UHRF1: variants seen among roughly 807,000 people sequenced by gnomAD.
UHRF1 encodes E3 ubiquitin-protein ligase UHRF1.
In UHRF1, 9 loss-of-function variants were observed where a neutral mutation model predicts 96.5. The ratio of observed to expected loss-of-function variants is 0.09; its 90% CI spans 0.06 to 0.16. UHRF1 has a LOEUF of 0.16. Among genes scored for constraint, UHRF1 ranks in the 10% least tolerant of loss-of-function variants. The pLI, the probability that UHRF1 is intolerant of heterozygous loss-of-function variation, is 1.00. For synonymous variants in UHRF1, 455 were observed against 469.9 expected, an observed-to-expected ratio of 0.97 and a Z score of 0.41; for missense variants, 626 against 1,131.1, an observed-to-expected ratio of 0.55 and a Z score of 6.40.
chr19:4,911,966 T>G (rs1379065087), intron 2 of UHRF1, among the ~76,000 whole-genome samples: 1 of 152,176 alleles, frequency 6.6e-6, no homozygotes, highest in East Asian at 1.9e-4. Flanking sequence ...TGCTGCCATC[T>G]GGTGTCTAGG....
chr19:4,941,890 C>T lies in UHRF1; in HGVS notation c.1032C>T (p.Cys344=). 6.5e-7 allele frequency: 1 copy of T among 1,539,094 alleles called. No homozygotes were observed. The highest frequency in any genetic ancestry group is 1.2e-5 in the South Asian group (1 of 80,692). Residue 344 remains cysteine, a synonymous_variant, in exon 7 of 17, where the codon TGC becomes TGT. Transcript: ENST00000650932. ...DECDMAFHIY[C]LDPPLSSVPS... is the part of the protein sequence containing the mutation. Reference sequence around the variant, plus strand: ...GCGACATGGCCTTCCACATCTACTGCCTGGACCCGCCCCTCAGCAGTGTTC... The same window carrying T: ...GCGACATGGCCTTCCACATCTACTGTCTGGACCCGCCCCTCAGCAGTGTTC...
Position 4,910,902 on chromosome 19 carries a change from G to A in UHRF1, c.17G>A (p.Arg6Gln), listed in dbSNP as rs1283666335. 3 of 1,612,200 alleles carry A rather than the reference G, an allele frequency of 1.9e-6. No individual in the cohort carries two copies. Among genetic ancestry groups the A allele is most frequent in the Non-Finnish European group, 2.5e-6 (3 of 1,178,882 alleles). Residue 6 changes from arginine to glutamine, a missense_variant, in exon 2 of 17, where the codon CGG becomes CAG. Around this residue, in one of 11 missense-constraint regions of UHRF1, gnomAD observed 32 missense variants for 46.8 expected, o/e 0.68. Transcript: ENST00000650932. Reference protein sequence around the residue: MWIQVRTMDGRQTHTV... With the variant: MWIQVQTMDGRQTHTV... ...GCCGACACCATGTGGATCCAGGTTC[G>A]GACCATGGACGGGAGGCAGACCCAC...
chr19:4,916,900 C>T (rs1381547492), intron 2 of UHRF1, among the ~76,000 whole-genome samples: 1 of 152,164 alleles, frequency 6.6e-6, no homozygotes, highest in Non-Finnish European at 1.5e-5. Flanking sequence ...TCGAGGCTTA[C>T]ACGGTCTTTG....
In UHRF1 at chr19:4,910,938, C is replaced by T. The variant is rs781386518; in HGVS notation, c.53C>T (p.Ser18Leu). The T allele has an allele frequency of 1.2e-6, 2 of 1,613,668 alleles. No individual in the cohort carries two copies. The highest frequency in any genetic ancestry group is 1.7e-6 in the Non-Finnish European group (2 of 1,179,668). Residue 18 changes from serine to leucine, a missense_variant, in exon 2 of 17, where the codon TCG (serine) becomes TTG (leucine). Physicochemically the swap from Ser to Leu is moderately radical, Grantham distance 145. Transcript: ENST00000650932. ...GGGAGGCAGACCCACACGGTGGACTCGCTGTCCAGGCTGACCAAGGTGGAG... is the reference window on the plus strand; with the variant it reads ...GGGAGGCAGACCCACACGGTGGACTTGCTGTCCAGGCTGACCAAGGTGGAG... ...MDGRQTHTVD[S>L]LSRLTKVEEL...
chr19:4,939,843 T>A (rs190456340), intron 5 of UHRF1, among the ~76,000 whole-genome samples: 1 of 152,120 alleles, frequency 6.6e-6, no homozygotes, highest in Non-Finnish European at 1.5e-5. Flanking sequence ...GCAAACACGG[T>A]GAAACCCCGT....
chr19:4,941,382 T>C (rs1248293816), intron 5 of UHRF1, 146 bp from the exon 6 acceptor site: 1 of 636,124 alleles, frequency 1.6e-6, no homozygotes, highest in South Asian at 1.9e-5. Flanking sequence ...CGTTTCATGT[T>C]GCTTCTGTGA....
In UHRF1 at chr19:4,941,739, G is replaced by C. The variant is rs1334174766; in HGVS notation, c.887-6G>C. The C allele has an allele frequency of 7.8e-6, 12 of 1,546,092 alleles. No individual in the cohort carries two copies. The highest frequency in any genetic ancestry group is 1.0e-5 in the Non-Finnish European group (12 of 1,144,878). ...GCCGGAGCTGACCCTGCCGCCCCGTGCCCAGGGAAGAGCGGGCCGTCCTGC... is the reference window on the plus strand; with the variant it reads ...GCCGGAGCTGACCCTGCCGCCCCGTCCCCAGGGAAGAGCGGGCCGTCCTGC... On this transcript the variant is annotated splice_polypyrimidine_tract_variant and splice_region_variant and intron_variant, in intron 6 of 16. Coordinates refer to ENST00000650932, the MANE Select transcript of UHRF1 (RefSeq NM_001048201.3).
At chr19:4,942,891 T>C (rs2145178115) in intron 7 of UHRF1, among the ~76,000 whole-genome samples, 1 of 152,136 alleles carries the variant, frequency 6.6e-6, no homozygotes, top group East Asian at 1.9e-4. Flanking sequence ...TGAACTGTGA[T>C]CGCGCCACTG....
chr19:4,945,321 C>T (rs1164491856), intron 9 of UHRF1, among the ~76,000 whole-genome samples: 3 of 152,178 alleles, frequency 2.0e-5, no homozygotes, highest in Non-Finnish European at 1.5e-5. Context: ...TGCAGTGGTG[C>T]GGTCTTGGCT....
At chr19:4,912,678 A>G (rs944575067) in intron 2 of UHRF1, among the ~76,000 whole-genome samples, 10 of 152,162 alleles carry the variant, frequency 6.6e-5, no homozygotes, top group Admixed American at 6.6e-4. Flanking sequence ...TGCAGACACC[A>G]GTCCACCTTT....
chr19:4,908,643 C>T (rs1019739357), upstream of UHRF1, among the ~76,000 whole-genome samples: 1 of 152,168 alleles, frequency 6.6e-6, no homozygotes, highest in Non-Finnish European at 1.5e-5. Context: ...CCGCAGTGGC[C>T]CCAGTGAGAG....
In UHRF1 at chr19:4,960,904, T is replaced by C; in HGVS notation, c.*101T>C. The C allele has an allele frequency of 4.8e-6, 3 of 627,296 alleles. No individual in the cohort carries two copies. The highest frequency in any genetic ancestry group is 8.1e-6 in the Non-Finnish European group (3 of 371,062). 38.9% of individuals were successfully genotyped at this position (627,296 alleles called of 1,614,324 possible). On this transcript the variant is annotated 3_prime_UTR_variant, in exon 17 of 17. Coordinates refer to ENST00000650932, the MANE Select transcript of UHRF1 (RefSeq NM_001048201.3). The stretch of plus-strand genomic sequence containing the variant: ...TAGTGGGCTTAACTTAAACAGGTAG[T>C]GTTTCCTCCGTTCCCTAAAAAGGTT...
At chr19:4,906,251 T>C (rs1408118364), upstream of UHRF1, among the ~76,000 whole-genome samples, 3 of 152,186 alleles carry the variant, frequency 2.0e-5, no homozygotes, top group Non-Finnish European at 4.4e-5. Flanking sequence ...AGTGCTGGGA[T>C]TGCAGGTGTG....
chr19:4,959,212 C>G (rs1313862898), intron 16 of UHRF1, among the ~76,000 whole-genome samples: 1 of 151,268 alleles, frequency 6.6e-6, no homozygotes, highest in African/African-American at 2.4e-5. Flanking sequence ...CGCCTGTAAT[C>G]CCAGCTACTC....
intron 2 of UHRF1, among the ~76,000 whole-genome samples, chr19:4,912,199 C>G (rs1028894752): frequency 6.6e-6 from 1 of 152,170 alleles, no homozygotes; most frequent in Non-Finnish European, 1.5e-5. Context: ...GGGGAGTTGA[C>G]GGTGCAAGCC....
intron 5 of UHRF1, among the ~76,000 whole-genome samples, chr19:4,940,470 G>A (rs753106361): frequency 2.1e-5 from 3 of 143,232 alleles, no homozygotes; most frequent in South Asian, 2.3e-4. Flanking sequence ...AGGTTCAAGC[G>A]ATTCTCCTGC....
At chr19:4,953,444 C>T (rs1225150235) in intron 13 of UHRF1, among the ~76,000 whole-genome samples, 2 of 152,124 alleles carry the variant, frequency 1.3e-5, no homozygotes, top group South Asian at 4.1e-4. Flanking sequence ...TTGTCAGCAT[C>T]CCTACTCTTG....
intron 2 of UHRF1, 101 bp from the exon 3 acceptor site, chr19:4,929,121 C>A (rs1232568688): frequency 6.8e-7 from 1 of 1,479,018 alleles, no homozygotes; most frequent in Non-Finnish European, 9.1e-7. Flanking sequence ...TGCCCCCCCC[C>A]CACAAGGGCT....
chr19:4,919,718 G>A (rs891139937), intron 2 of UHRF1, among the ~76,000 whole-genome samples: 3 of 152,124 alleles, frequency 2.0e-5, no homozygotes, highest in African/African-American at 7.2e-5. Flanking sequence ...CTGAGGTGGT[G>A]TCATTTAATA....
Sources: gnomAD v4.1 joint callset for allele counts (sites outside exome capture counted in the v4.1 genomes callset) on GRCh38, gnomAD v4.1.1 for gene constraint, gnomAD v4.1.1 regional missense constraint, MANE v1.5 for transcripts, NCBI Gene and HGNC (gene_info 2026-07-23, HGNC 2026-07-21) for gene names.